The following AFAP1L2 variants were observed in gnomAD, a reference collection of about 807,000 sequenced individuals.
AFAP1L2 encodes actin filament-associated protein 1-like 2.
Under a neutral mutation model 99.3 loss-of-function variants are expected in AFAP1L2, and 46 were observed. That is an observed-to-expected ratio of 0.46 (90% confidence interval 0.37 to 0.59). The LOEUF (loss-of-function observed/expected upper bound fraction) is 0.59. AFAP1L2 is among the 20% of genes least tolerant of loss of function. The pLI is 0.00. For synonymous variants in AFAP1L2, 397 were observed against 419.1 expected (o/e 0.95, Z 0.64); for missense variants, 959 against 1,034.9 (o/e 0.93, Z 1.01).
chr10:114,392,242 T>G (rs1315992103), intron 1 of AFAP1L2, among the ~76,000 whole-genome samples: 1 of 152,010 alleles, frequency 6.6e-6, no homozygotes, highest in Non-Finnish European at 1.5e-5. Flanking sequence ...AAAAATAAAT[T>G]ATTCAGGTGT....
chr10:114,365,289 G>A (rs568011802), intron 1 of AFAP1L2, among the ~76,000 whole-genome samples: 89 of 152,206 alleles, frequency 5.8e-4, no homozygotes, highest in Non-Finnish European at 1.0e-3. Flanking sequence ...GCATACGCTC[G>A]TGGCTCCTCC....
At chr10:114,354,229 G>A (rs1240803144) in intron 1 of AFAP1L2, among the ~76,000 whole-genome samples, 3 of 152,212 alleles carry the variant, frequency 2.0e-5, no homozygotes, top group Non-Finnish European at 4.4e-5. Context: ...AAGAGTGGAA[G>A]AGCAAAAGCC....
At chr10:114,374,496 C>G in intron 1 of AFAP1L2, among the ~76,000 whole-genome samples, 1 of 152,166 alleles carries the variant, frequency 6.6e-6, no homozygotes, top group East Asian at 1.9e-4. Flanking sequence ...TCCCCTTCCC[C>G]AGCCCTGGCC....
Position 114,325,284 on chromosome 10 carries a change from A to G in AFAP1L2, c.316-2023T>C, listed in dbSNP as rs982546444. ...TAAATACAAGGAGGCCATTGTTATC[A>G]CTGTCTGGGGCCCCTCCACAGTCCC... is the stretch of plus-strand genomic sequence containing the variant. On this transcript the variant is annotated intron_variant, in intron 4 of 18. Coordinates refer to ENST00000304129, the MANE Select transcript of AFAP1L2 (RefSeq NM_001001936.3). Among the ~76,000 whole-genome samples, 3 of 152,348 alleles carry G rather than the reference A, an allele frequency of 2.0e-5. No homozygotes were observed. In the South Asian group the frequency reaches 6.2e-4, roughly 32 times the overall value.
At position 114,299,252 on chromosome 10, in the gene AFAP1L2, C is replaced by T. The variant is rs1230510124; in HGVS notation, c.2113+8G>A. ...CTGAGGGTCCCTCCCCACTGGGGGC[C>T]CCCTTACCTGTGCATTTCAGTAGGG... On this transcript the variant is annotated splice_region_variant and intron_variant, in intron 16 of 18. Coordinates refer to ENST00000304129, the MANE Select transcript of AFAP1L2 (RefSeq NM_001001936.3). 6 of 1,613,942 alleles carry T rather than the reference C, an allele frequency of 3.7e-6. No individual in the cohort carries two copies. The highest frequency in any genetic ancestry group is 4.2e-6 in the Non-Finnish European group (5 of 1,179,996).
intron 4 of AFAP1L2, among the ~76,000 whole-genome samples, chr10:114,324,486 A>G (rs1273490109): frequency 1.3e-5 from 2 of 150,058 alleles, no homozygotes; most frequent in South Asian, 2.1e-4. Context: ...TCCTGACCTC[A>G]ACTGACTGCC....
intron 1 of AFAP1L2, among the ~76,000 whole-genome samples, chr10:114,386,640 C>T (rs756925096): frequency 3.1e-4 from 47 of 152,250 alleles, no homozygotes; most frequent in Admixed American, 5.2e-4. Context: ...AGGCAGCAGC[C>T]GGAACTGCAC....
intron 11 of AFAP1L2, among the ~76,000 whole-genome samples, 181 bp downstream of exon 11, chr10:114,304,538 C>A (rs2041798113): frequency 6.6e-6 from 1 of 152,198 alleles, no homozygotes; most frequent in African/African-American, 2.4e-5. Flanking sequence ...CGCAACTACT[C>A]TGAGGTCAGA....
chr10:114,319,548 G>A, intron 5 of AFAP1L2: 2 of 1,288,768 alleles, frequency 1.6e-6, no homozygotes, highest in Non-Finnish European at 1.0e-6. Flanking sequence ...TCCAGCTCGG[G>A]GAGTAAGCAG....
chr10:114,374,672 A>G (rs1192069691), intron 1 of AFAP1L2, among the ~76,000 whole-genome samples: 1 of 151,868 alleles, frequency 6.6e-6, no homozygotes, highest in Non-Finnish European at 1.5e-5. Flanking sequence ...TTCTAGAAGA[A>G]GAAAAAAAAA....
chr10:114,281,659 A>G, the AFAP1L2 span: 2 of 856,666 alleles, frequency 2.3e-6, no homozygotes, highest in African/African-American at 3.7e-5. Flanking sequence ...TCGTGTGGAC[A>G]CTTGTTGTGT....
chr10:114,282,744 G>A, the AFAP1L2 span, among the ~76,000 whole-genome samples: 1 of 152,188 alleles, frequency 6.6e-6, no homozygotes. Flanking sequence ...CCTCAATGGT[G>A]TTTGCTCATT....
chr10:114,345,990 A>G (rs1412192349), intron 1 of AFAP1L2, among the ~76,000 whole-genome samples: 1 of 152,132 alleles, frequency 6.6e-6, no homozygotes, highest in Admixed American at 6.5e-5. Context: ...CCAGGCAGCC[A>G]TGGCACCTGC....
chr10:114,302,383 G>T lies in AFAP1L2; in HGVS notation c.1386C>A (p.Ala462=). 6.2e-7 allele frequency: 1 copy of T among 1,614,118 alleles called. No individual in the cohort carries two copies. The highest frequency in any genetic ancestry group is 1.1e-5 in the South Asian group (1 of 91,070). Residue 462 remains alanine (A), a synonymous_variant, in exon 12 of 19, where the codon GCC becomes GCA. Transcript: ENST00000304129. ...CACTCACAATACAGGAGACCCTATC[G>T]GCATCCACATAGTCGTAGGTGAACT... ...PEEFTYDYVD[A]DRVSCIVSAA...
Position 114,352,479 on chromosome 10 carries a change from TAAAAAAAA to T in AFAP1L2, c.17-11756_17-11749del, listed in dbSNP as rs766929781. On this transcript the variant is annotated intron_variant, in intron 1 of 18. Coordinates refer to ENST00000304129, the MANE Select transcript of AFAP1L2 (RefSeq NM_001001936.3). ...ACAGAGCAAGACTCTGTCTCCAAAT[TAAAAAAAA>T]AAAAAAAAAAAAGCAACCGGAGATG... is the stretch of plus-strand genomic sequence containing the variant. Among the ~76,000 whole-genome samples the T allele has an allele frequency of 2.9e-4, 21 of 71,390 alleles. No homozygotes were observed. The South Asian group carries it at 0.013, about 44-fold the overall frequency. 46.8% of individuals were successfully genotyped at this position (71,390 alleles called of 152,430 possible).
chr10:114,363,279 G>T, intron 1 of AFAP1L2: 1 of 649,156 alleles, frequency 1.5e-6, no homozygotes, highest in Non-Finnish European at 1.9e-6. Context: ...ACCGTAACAT[G>T]TAGCCTGCAG....
rs537579400 is a variant in AFAP1L2, at chr10:114,295,572, A to G, written c.*470T>C. The G allele has an allele frequency of 1.0e-6, 1 of 986,998 alleles. No individual in the cohort carries two copies. Among genetic ancestry groups the G allele is most frequent in the South Asian group, 4.7e-5 (1 of 21,358 alleles). 61.1% of individuals were successfully genotyped at this position (986,998 alleles called of 1,614,324 possible). On this transcript the variant is annotated 3_prime_UTR_variant, in exon 19 of 19. Coordinates refer to ENST00000304129, the MANE Select transcript of AFAP1L2 (RefSeq NM_001001936.3). ...GCCTGGTAATATTGGAGAGAACTGAAGGCAAGGATGGTTTAATCCCCAACT... is the reference window on the plus strand; with the variant it reads ...GCCTGGTAATATTGGAGAGAACTGAGGGCAAGGATGGTTTAATCCCCAACT...
intron 10 of AFAP1L2, among the ~76,000 whole-genome samples, chr10:114,307,114 C>T (rs537052992): frequency 1.4e-4 from 21 of 152,294 alleles, no homozygotes; most frequent in African/African-American, 4.3e-4. Context: ...AGGCTTGTCG[C>T]TCCTCCTAAC....
chr10:114,297,405 C>T lies in AFAP1L2; in HGVS notation c.2122G>A (p.Val708Ile), dbSNP rs1227373056. Residue 708 changes from valine to isoleucine, a missense_variant, in exon 17 of 19, where the codon GTC becomes ATC. This residue lies in a region of AFAP1L2 where 576 missense variants were observed against 562.1 expected (regional missense o/e 1.02). Transcript: ENST00000304129. ...AGCTTCTGCTCCAGGCTCGCCAGGACTTCCTTGTCTGGAGAGAGAATTATG... is the reference window on the plus strand; with the variant it reads ...AGCTTCTGCTCCAGGCTCGCCAGGATTTCCTTGTCTGGAGAGAGAATTATG... ...ETLLKCTDKE[V>I]LASLEQKLKE... is the part of the protein sequence containing the mutation. 2.5e-6 allele frequency: 4 copies of T among 1,612,640 alleles called. No individual in the cohort carries two copies.
Sources: gnomAD v4.1 joint callset for allele counts (sites outside exome capture counted in the v4.1 genomes callset) on GRCh38, gnomAD v4.1.1 for gene constraint, gnomAD v4.1.1 regional missense constraint, MANE v1.5 for transcripts, NCBI Gene and HGNC (gene_info 2026-07-23, HGNC 2026-07-21) for gene names.